Variants in RBFOX1 observed in about 807,000 individuals in gnomAD.
The protein encoded by RBFOX1 is RNA binding fox-1 homolog 1, also known as RNA binding protein fox-1 homolog 1.
A neutral mutation model predicts 57.7 loss-of-function variants in RBFOX1; 8 were observed. The observed-to-expected ratio is 0.14, with a 90% CI of 0.08 to 0.25. RBFOX1 has a LOEUF of 0.25. Among genes scored for constraint, RBFOX1 ranks in the 10% least tolerant of loss-of-function variants. The pLI is 1.00. For missense variants in RBFOX1, 611 were observed against 548.5 expected (o/e 1.11, Z -1.14); for synonymous variants, 326 against 222.4 (o/e 1.47, Z -4.15).
At chr16:7,580,944 A>C (rs758495235) in intron 6 of RBFOX1, among the ~76,000 whole-genome samples, 18 of 152,166 alleles carry the variant, frequency 1.2e-4, no homozygotes, top group Non-Finnish European at 1.8e-4. Context: ...AATGGATGCA[A>C]ATATCACAAA....
intron 3 of RBFOX1, among the ~76,000 whole-genome samples, chr16:5,743,710 C>T (rs1015862595): frequency 6.6e-6 from 1 of 152,062 alleles, no homozygotes; most frequent in African/African-American, 2.4e-5. Flanking sequence ...TGCCTTGTAA[C>T]AAATTTTATT....
intron 1 of RBFOX1, among the ~76,000 whole-genome samples, chr16:5,340,599 A>G (rs1296528606): frequency 6.6e-6 from 1 of 152,182 alleles, no homozygotes; most frequent in Non-Finnish European, 1.5e-5. Flanking sequence ...TAGTGTTTTG[A>G]GGATTTTAGG....
intron 3 of RBFOX1, among the ~76,000 whole-genome samples, chr16:6,917,518 G>C (rs1367543607): frequency 6.6e-6 from 1 of 152,180 alleles, no homozygotes; most frequent in African/African-American, 2.4e-5. Flanking sequence ...GAAACACTCT[G>C]TCCAAAGGAA....
At chr16:6,958,110 A>G (rs1324007579) in intron 3 of RBFOX1, among the ~76,000 whole-genome samples, 5 of 152,132 alleles carry the variant, frequency 3.3e-5, no homozygotes, top group African/African-American at 9.7e-5. Context: ...AGCTGCAGAA[A>G]TGGGTGACCG....
chr16:6,336,179 ATATTTTTTTTTTTTTTTTTT>A (rs1426492541), intron 2 of RBFOX1, among the ~76,000 whole-genome samples: 3 of 25,026 alleles, frequency 1.2e-4, no homozygotes, highest in African/African-American at 4.9e-4. Context: ...ATATATATAT[ATATTTTTTTTTTTTTTTTTT>A]TTTTTTTTTT....
intron 3 of RBFOX1, among the ~76,000 whole-genome samples, chr16:6,819,258 G>T (rs1004617837): frequency 6.6e-6 from 1 of 152,158 alleles, no homozygotes. Context: ...ATTTAACTTT[G>T]TGTCTCCCAG....
intron 1 of RBFOX1, among the ~76,000 whole-genome samples, chr16:6,257,747 C>G (rs910575809): frequency 1.3e-5 from 2 of 152,162 alleles, no homozygotes; most frequent in African/African-American, 2.4e-5. Flanking sequence ...CTGAAAAGGA[C>G]ATGATCATGT....
chr16:5,715,420 T>C (rs570465916), intron 3 of RBFOX1, among the ~76,000 whole-genome samples: 3 of 152,330 alleles, frequency 2.0e-5, no homozygotes, highest in South Asian at 4.1e-4. Flanking sequence ...ATGCACCACA[T>C]TGAAGGATAT....
intron 14 of RBFOX1, among the ~76,000 whole-genome samples, chr16:7,698,214 G>A (rs1157745125): frequency 3.3e-5 from 5 of 150,296 alleles, no homozygotes; most frequent in African/African-American, 7.4e-5. Context: ...GTGTGTGTGT[G>A]TATAAAGGGG....
intron 13 of RBFOX1, among the ~76,000 whole-genome samples, chr16:7,674,378 G>A (rs1188147058): frequency 6.6e-6 from 1 of 152,074 alleles, no homozygotes; most frequent in Non-Finnish European, 1.5e-5. Flanking sequence ...TACCTTTCAA[G>A]AGTTCAATAG....
intron 13 of RBFOX1, among the ~76,000 whole-genome samples, chr16:7,673,261 C>A (rs1282307836): frequency 6.6e-6 from 1 of 152,136 alleles, no homozygotes; most frequent in Non-Finnish European, 1.5e-5. Flanking sequence ...TCTGAGATGC[C>A]TTGGAGGTCC....
intron 3 of RBFOX1, among the ~76,000 whole-genome samples, chr16:6,693,954 C>G (rs185449019): frequency 3.0e-3 from 457 of 152,334 alleles, no homozygotes; most frequent in Non-Finnish European, 5.4e-3. Flanking sequence ...TATTATTTCT[C>G]CTATTTTACA....
At chr16:5,811,183 C>G (rs1486380721) in intron 3 of RBFOX1, among the ~76,000 whole-genome samples, 1 of 132,966 alleles carries the variant, frequency 7.5e-6, no homozygotes, top group Non-Finnish European at 1.5e-5. Flanking sequence ...GAGTCTGTCA[C>G]CCAGGCTGCA....
In RBFOX1 at chr16:6,990,530, A is replaced by G. The variant is rs184788820; in HGVS notation, c.-15-61527A>G. On this transcript the variant is annotated intron_variant, in intron 3 of 15. Coordinates refer to ENST00000550418, the MANE Select transcript of RBFOX1 (RefSeq NM_018723.4). ...ACAAGAAAGAAACTCCATCTCAAAA[A>G]AATAAAAATTCTGTTAGTATTCACA... Among the ~76,000 whole-genome samples, 221 of 152,254 alleles carry G rather than the reference A, an allele frequency of 1.5e-3. 2 individuals are homozygous for G. The highest frequency in any genetic ancestry group is 4.2e-3 in the Admixed American group (64 of 15,290).
At chr16:7,009,266 CTCT>C (rs1416299618) in intron 3 of RBFOX1, among the ~76,000 whole-genome samples, 10 of 137,188 alleles carry the variant, frequency 7.3e-5, no homozygotes, top group Admixed American at 4.5e-4. Flanking sequence ...CCTCTCCTTC[CTCT>C]TCTTCTCTCT....
chr16:6,098,745 C>T (rs933234826), intron 1 of RBFOX1, among the ~76,000 whole-genome samples: 1 of 152,170 alleles, frequency 6.6e-6, no homozygotes, highest in African/African-American at 2.4e-5. Flanking sequence ...GCTAAAAATC[C>T]AGAATCAATC....
intron 1 of RBFOX1, among the ~76,000 whole-genome samples, chr16:6,248,888 G>C (rs909656175): frequency 2.0e-5 from 3 of 152,142 alleles, no homozygotes; most frequent in East Asian, 3.9e-4. Flanking sequence ...CCTGGCACAC[G>C]GGGAGTGCTC....
At position 6,103,128 on chromosome 16, in the gene RBFOX1, G is replaced by C. The variant is rs2096334877; in HGVS notation, c.-127+83136G>C. 2.0e-5 allele frequency among the ~76,000 whole-genome samples: 3 copies of C among 152,188 alleles called. No individual in the cohort carries two copies. The South Asian group carries it at 6.2e-4, about 32-fold the overall frequency. The stretch of plus-strand genomic sequence containing the variant: ...GTAGCACTGTGTGTCAGATATCTGA[G>C]AACATGCAATATTTGCTCAGTGGGT... On this transcript the variant is annotated intron_variant, in intron 1 of 15. Transcript: ENST00000550418.
At chr16:6,875,191 A>T (rs1307735396) in intron 3 of RBFOX1, among the ~76,000 whole-genome samples, 1 of 152,218 alleles carries the variant, frequency 6.6e-6, no homozygotes, top group African/African-American at 2.4e-5. Context: ...TCTTTGTATT[A>T]TTATAGTGCT....
Sources: allele counts gnomAD v4.1 joint callset (sites outside exome capture counted in the v4.1 genomes callset), GRCh38; gene constraint gnomAD v4.1.1; transcripts MANE v1.5; gene names NCBI Gene and HGNC (gene_info 2026-07-23, HGNC 2026-07-21).